Variants in CDC42 observed in about 807,000 individuals in gnomAD.
CDC42 encodes cell division cycle 42.
Under a neutral mutation model 20.8 loss-of-function variants are expected in CDC42, and 1 was observed. That is an observed-to-expected ratio of 0.05 (90% CI 0.02 to 0.23). The LOEUF is 0.23. Among genes scored for constraint, CDC42 ranks in the 10% least tolerant of loss-of-function variants. The pLI, the probability that CDC42 is intolerant of heterozygous loss-of-function variation, is 1.00. For missense variants in CDC42, 49 were observed against 227.9 expected, an observed-to-expected ratio of 0.21 and a Z score of 5.05; for synonymous variants, 72 against 84.8, an observed-to-expected ratio of 0.85 and a Z score of 0.83.
rs914495026 is a variant in CDC42, at chr1:22,100,252, A to C, written c.*8735A>C. On this transcript the variant is annotated 3_prime_UTR_variant, in exon 6 of 6. Coordinates refer to ENST00000656825, the MANE Select transcript of CDC42 (RefSeq NM_001791.4). ...GTCAGGGATACTCATGCAGTTTTTG[A>C]GTTTAAGTAGTAAACTCCTAAACTT... 6.6e-5 allele frequency among the ~76,000 whole-genome samples: 10 copies of C among 152,062 alleles called. No individual in the cohort carries two copies. The highest frequency in any genetic ancestry group is 1.2e-4 in the Non-Finnish European group (8 of 68,002).
chr1:22,087,973 C>G (rs149658992), intron 5 of CDC42, among the ~76,000 whole-genome samples: 1 of 152,298 alleles, frequency 6.6e-6, no homozygotes, highest in East Asian at 1.9e-4. Context: ...GGATATCCCT[C>G]AAAATAACTT....
At chr1:22,089,320 C>T (rs1645692595) in intron 5 of CDC42, among the ~76,000 whole-genome samples, 1 of 152,176 alleles carries the variant, frequency 6.6e-6, no homozygotes, top group African/African-American at 2.4e-5. Flanking sequence ...GATACCCATG[C>T]AGACATCTTA....
chr1:22,070,625 A>G (rs1245021519), intron 1 of CDC42, among the ~76,000 whole-genome samples: 2 of 151,416 alleles, frequency 1.3e-5, no homozygotes, highest in East Asian at 1.9e-4. Context: ...CACCACGCCC[A>G]GCTGATTTTT....
intron 3 of CDC42, among the ~76,000 whole-genome samples, chr1:22,082,423 A>ATC (rs1645617551): frequency 1.3e-5 from 2 of 152,220 alleles, no homozygotes; most frequent in Admixed American, 6.5e-5. Context: ...AATTGTAAGA[A>ATC]CAAATTACTT....
rs1248424621 is a variant in CDC42 at position 22,096,194 on chromosome 1, C to T, written c.*4677C>T. Among the ~76,000 whole-genome samples the T allele has an allele frequency of 2.0e-5, 3 of 152,084 alleles. No homozygotes were observed. Among genetic ancestry groups the T allele is most frequent in the Admixed American group, 6.6e-5 (1 of 15,256 alleles). On this transcript the variant is annotated 3_prime_UTR_variant, in exon 6 of 6. Coordinates refer to ENST00000656825, the MANE Select transcript of CDC42 (RefSeq NM_001791.4). ...CAGACAGATCTCAAACTCCTGACCTCCTGATCCGCCCTCCTCAGCCTCCCA... is the reference window on the plus strand; with the variant it reads ...CAGACAGATCTCAAACTCCTGACCTTCTGATCCGCCCTCCTCAGCCTCCCA...
chr1:22,086,787 C>T lies in CDC42; in HGVS notation c.407C>T (p.Pro136Leu). 2 of 1,614,058 alleles carry T rather than the reference C, an allele frequency of 1.2e-6. No individual in the cohort carries two copies. The highest frequency in any genetic ancestry group is 1.7e-6 in the Non-Finnish European group (2 of 1,179,944). The change falls in exon 5 of 6, where the codon CCT becomes CTT. Residue 136 changes from proline to leucine, a missense_variant. By Grantham distance (98) the Pro-to-Leu change is moderately conservative. Transcript: ENST00000656825. ...AAACTTGCCAAGAACAAACAGAAGCCTATCACTCCAGAGACTGCTGAAAAG... is the reference window on the plus strand; with the variant it reads ...AAACTTGCCAAGAACAAACAGAAGCTTATCACTCCAGAGACTGCTGAAAAG... Reference protein sequence around the residue: ...IEKLAKNKQKPITPETAEKLA... With the variant: ...IEKLAKNKQKLITPETAEKLA...
chr1:22,090,520 G>T (rs1314573208), intron 5 of CDC42: 1 of 987,420 alleles, frequency 1.0e-6, no homozygotes, highest in African/African-American at 1.7e-5. Context: ...TCCTTTGTGC[G>T]GTGAAACTTT....
chr1:22,087,085 TAC>T, intron 5 of CDC42, among the ~76,000 whole-genome samples: 1 of 152,206 alleles, frequency 6.6e-6, no homozygotes, highest in African/African-American at 2.4e-5. Context: ...TCTCGTATTG[TAC>T]TGAATGATTC....
At chr1:22,059,347 CG>C (rs1303014032) in intron 1 of CDC42, 16 of 151,902 alleles carry the variant, frequency 1.1e-4, no homozygotes, top group African/African-American at 3.9e-4. Flanking sequence ...ATTGTGGTGA[CG>C]AGGAATGGTC....
Position 22,084,521 on chromosome 1 carries a change from T to G in CDC42, c.179-1918T>G, listed in dbSNP as rs562085092. ...TTGCCCATTTTTGAATTGGGATTTT[T>G]TTTTTGGGGTAAGTTTTAGGAGTTC... On this transcript the variant is annotated intron_variant, in intron 3 of 5. Transcript: ENST00000656825. Among the ~76,000 whole-genome samples the G allele has an allele frequency of 2.0e-5, 3 of 152,096 alleles. No individual in the cohort carries two copies. In the South Asian group the frequency reaches 6.2e-4, roughly 32 times the overall value.
chr1:22,063,107 T>TG (rs1645384604), intron 1 of CDC42, among the ~76,000 whole-genome samples: 2 of 152,262 alleles, frequency 1.3e-5, no homozygotes, highest in African/African-American at 4.8e-5. Context: ...ATAGTTTTTT[T>TG]TTGTTTGTTT....
rs778137050 is a variant in CDC42 at position 22,092,976 on chromosome 1, G to A, written c.*1459G>A. 6.6e-6 allele frequency: 1 copy of A among 152,444 alleles called. No individual in the cohort carries two copies. The allele number at this position is 152,444 out of a possible 1,614,324, so 9.4% of individuals were successfully genotyped here. On this transcript the variant is annotated 3_prime_UTR_variant, in exon 6 of 6. Transcript: ENST00000656825. ...GCCTGAGGGTTGTTATTTTCCCTCC[G>A]TCTCTTACTTTTCAGATATTGAGGA...
rs16826523 is a variant in CDC42, at chr1:22,085,645, A to T, written c.179-794A>T. 2.0e-4 allele frequency among the ~76,000 whole-genome samples: 31 copies of T among 152,208 alleles called. 1 individual carries two copies. The East Asian group carries it at 6.0e-3, about 29-fold the overall frequency. Reference sequence around the variant, plus strand: ...CAAGTCTTTTGCCTCTGATTAAGTTAATTCTAAGTATTTTTATTATTTTGA... The same window carrying T: ...CAAGTCTTTTGCCTCTGATTAAGTTTATTCTAAGTATTTTTATTATTTTGA... On this transcript the variant is annotated intron_variant, in intron 3 of 5. Transcript: ENST00000656825.
At chr1:22,090,830 G>T (rs1337082462) in intron 5 of CDC42, 2 of 984,346 alleles carry the variant, frequency 2.0e-6, no homozygotes, top group Non-Finnish European at 2.4e-6. Flanking sequence ...CTTTATTCCT[G>T]TTGCACTGAC....
intron 1 of CDC42, among the ~76,000 whole-genome samples, chr1:22,057,927 A>G (rs1335490483): frequency 2.6e-5 from 4 of 151,318 alleles, no homozygotes; most frequent in Non-Finnish European, 5.9e-5. Flanking sequence ...GGGTTTCACC[A>G]TGTTGGTCAG....
chr1:22,065,044 G>T (rs982428282), intron 1 of CDC42, among the ~76,000 whole-genome samples: 1 of 152,172 alleles, frequency 6.6e-6, no homozygotes, highest in African/African-American at 2.4e-5. Context: ...AGTGTTAAGT[G>T]CTCTTTGCAG....
chr1:22,065,853 G>A (rs1189987367), intron 1 of CDC42, among the ~76,000 whole-genome samples: 1 of 152,000 alleles, frequency 6.6e-6, no homozygotes, highest in Non-Finnish European at 1.5e-5. Flanking sequence ...CCTCCTCCCG[G>A]GTTCAAGCGA....
intron 5 of CDC42, chr1:22,090,143 T>C: frequency 6.9e-7 from 1 of 1,446,064 alleles, no homozygotes; most frequent in Non-Finnish European, 9.2e-7. Flanking sequence ...TGCGTCTTTT[T>C]ACTCACCACC....
At chr1:22,066,993 G>T (rs1402549521) in intron 1 of CDC42, among the ~76,000 whole-genome samples, 4 of 152,200 alleles carry the variant, frequency 2.6e-5, no homozygotes, top group Non-Finnish European at 5.9e-5. Context: ...AACCTGGGAG[G>T]CGGAGGTTGT....
Sources: gnomAD v4.1 joint callset for allele counts (sites outside exome capture counted in the v4.1 genomes callset) on GRCh38, gnomAD v4.1.1 for gene constraint, MANE v1.5 for transcripts, NCBI Gene and HGNC (gene_info 2026-07-23, HGNC 2026-07-21) for gene names.